The following CEP70 variants were observed in gnomAD, a reference collection of about 807,000 sequenced individuals.
CEP70 encodes the protein centrosomal protein 70, also known as centrosomal protein of 70 kDa.
A neutral mutation model predicts 90.9 loss-of-function variants in CEP70; 70 were observed. That is an observed-to-expected ratio of 0.77 (90% confidence interval 0.64 to 0.94). The LOEUF is 0.94. Ranked by LOEUF, CEP70 falls within the 40% of genes least tolerant of loss-of-function variation. CEP70 has a pLI of 0.00. For synonymous variants in CEP70, 220 were observed against 228.3 expected, an observed-to-expected ratio of 0.96 and a Z score of 0.33; for missense variants, 648 against 669.0, an observed-to-expected ratio of 0.97 and a Z score of 0.35.
intron 11 of CEP70, among the ~76,000 whole-genome samples, chr3:138,519,231 G>A (rs2036360924): frequency 2.0e-5 from 3 of 147,912 alleles, no homozygotes. Flanking sequence ...GTGACGGGGA[G>A]AATGGAACCA....
At position 138,505,318 on chromosome 3, in the gene CEP70, C is replaced by T. The variant is rs932769092; in HGVS notation, c.1198G>A (p.Ala400Thr). ...ACCTTTAAGGATGTCAGTTGATCTG[C>T]CCACATTTCTATTACAGGAACAAGA... is the stretch of plus-strand genomic sequence containing the variant. ...EHLVPVIEMW[A>T]DQLTSLKDLY... The change falls in exon 13 of 18, where the codon GCA becomes ACA. Residue 400 changes from alanine (A) to threonine (T), a missense_variant. Physicochemically the swap from Ala to Thr is moderately conservative, Grantham distance 58. Transcript: ENST00000264982. The T allele has an allele frequency of 1.2e-6, 2 of 1,610,598 alleles. No homozygotes were observed. The highest frequency in any genetic ancestry group is 1.7e-4 in the Middle Eastern group (1 of 6,038).
At chr3:138,533,213 G>A (rs558453383) in intron 7 of CEP70, among the ~76,000 whole-genome samples, 27 of 151,886 alleles carry the variant, frequency 1.8e-4, no homozygotes, top group South Asian at 6.3e-4. Context: ...CCCGGGAGGC[G>A]GAGCTTGCAG....
chr3:138,568,970 T>G (rs1346266273), intron 6 of CEP70, among the ~76,000 whole-genome samples: 1 of 149,302 alleles, frequency 6.7e-6, no homozygotes, highest in African/African-American at 2.5e-5. Context: ...GGAAACAGAG[T>G]GAGACTCTGT....
intron 2 of CEP70, among the ~76,000 whole-genome samples, chr3:138,584,478 A>AAG (rs952570195): frequency 1.7e-4 from 26 of 149,164 alleles, no homozygotes; most frequent in East Asian, 5.9e-4. Flanking sequence ...AAAAAAAAAA[A>AAG]AGAGAGAGAG....
At chr3:138,517,510 C>CA (rs1184549366) in intron 11 of CEP70, among the ~76,000 whole-genome samples, 8 of 150,940 alleles carry the variant, frequency 5.3e-5, no homozygotes, top group Non-Finnish European at 1.0e-4. Flanking sequence ...ACTAAAAATA[C>CA]AAAAAAAAAT....
At position 138,546,735 on chromosome 3, in the gene CEP70, C is replaced by T. The variant is rs532314695; in HGVS notation, c.466-9388G>A. Among the ~76,000 whole-genome samples, 9 of 151,908 alleles carry T rather than the reference C, an allele frequency of 5.9e-5. No individual in the cohort carries two copies. In the South Asian group the frequency reaches 8.3e-4, roughly 14 times the overall value. On this transcript the variant is annotated intron_variant, in intron 6 of 17. Transcript: ENST00000264982. ...CTGCATTCCAGCCTGAGTGACAAAG[C>T]GAGTCTCCATCTCAAAACAAATCAA...
chr3:138,518,177 C>T (rs763692158), intron 11 of CEP70, among the ~76,000 whole-genome samples: 7 of 152,160 alleles, frequency 4.6e-5, no homozygotes, highest in African/African-American at 4.8e-5. Flanking sequence ...GTAAACAAAG[C>T]GGCCAGGAAG....
intron 11 of CEP70, among the ~76,000 whole-genome samples, chr3:138,518,804 C>T (rs1241228453): frequency 1.3e-5 from 2 of 152,160 alleles, no homozygotes; most frequent in African/African-American, 4.8e-5. Flanking sequence ...TGCAGCTCCT[C>T]ACCAGCAATG....
At chr3:138,593,758 A>G (rs2042509151) in intron 1 of CEP70, 1 of 152,094 alleles carries the variant, frequency 6.6e-6, no homozygotes, top group Non-Finnish European at 1.5e-5. Flanking sequence ...CTCACTCCCC[A>G]AACAACCTTC....
At chr3:138,562,109 T>C (rs1416144705) in intron 6 of CEP70, among the ~76,000 whole-genome samples, 1 of 148,996 alleles carries the variant, frequency 6.7e-6, no homozygotes, top group Non-Finnish European at 1.5e-5. Flanking sequence ...ATATCAGAGA[T>C]TGAAGATCAA....
chr3:138,558,503 A>T (rs1010487235), intron 6 of CEP70, among the ~76,000 whole-genome samples: 1 of 152,220 alleles, frequency 6.6e-6, no homozygotes, highest in Non-Finnish European at 1.5e-5. Context: ...TATGCCTGCC[A>T]GGGATATGAA....
At chr3:138,559,881 AAAGT>A (rs2040275263) in intron 6 of CEP70, among the ~76,000 whole-genome samples, 2 of 152,254 alleles carry the variant, frequency 1.3e-5, no homozygotes, top group South Asian at 4.1e-4. Flanking sequence ...TCAAATGCTG[AAAGT>A]AACTACCAAC....
chr3:138,505,793 G>A (rs1044052080), intron 12 of CEP70, among the ~76,000 whole-genome samples: 2 of 152,130 alleles, frequency 1.3e-5, no homozygotes, highest in African/African-American at 2.4e-5. Context: ...AGTCAGGGAG[G>A]AGGAGCTCCC....
intron 2 of CEP70, among the ~76,000 whole-genome samples, chr3:138,588,874 C>T (rs940382477): frequency 6.6e-6 from 1 of 152,186 alleles, no homozygotes; most frequent in Admixed American, 6.5e-5. Context: ...CTGTGGTATA[C>T]CCATTGGATG....
chr3:138,521,704 G>T (rs1477018121), intron 11 of CEP70, among the ~76,000 whole-genome samples: 1 of 147,162 alleles, frequency 6.8e-6, no homozygotes, highest in African/African-American at 2.5e-5. Flanking sequence ...CGTCTCGGGG[G>T]GTGGGGAGAC....
intron 13 of CEP70, among the ~76,000 whole-genome samples, chr3:138,504,212 G>A (rs1263295433): frequency 2.0e-5 from 3 of 152,130 alleles, no homozygotes; most frequent in African/African-American, 7.2e-5. Context: ...ACAGACTGGA[G>A]GAACTCCGGT....
At chr3:138,526,014 A>T (rs1362245099) in intron 10 of CEP70, among the ~76,000 whole-genome samples, 1 of 152,142 alleles carries the variant, frequency 6.6e-6, no homozygotes, top group African/African-American at 2.4e-5. Context: ...ATTGTTCATT[A>T]TTCCCATGTA....
chr3:138,505,284 C>A lies in CEP70; in HGVS notation c.1221+11G>T. On this transcript the variant is annotated intron_variant, in intron 13 of 17. Transcript: ENST00000264982. ...GATGTTCAAAGCATATAATCATAGT[C>A]AACCCCTTACCTTTAAGGATGTCAG... The A allele has an allele frequency of 2.5e-6, 4 of 1,586,236 alleles. No homozygotes were observed. Among genetic ancestry groups the A allele is most frequent in the South Asian group, 2.3e-5 (2 of 85,620 alleles).
intron 11 of CEP70, among the ~76,000 whole-genome samples, chr3:138,517,829 G>C (rs2036188208): frequency 6.6e-6 from 1 of 152,228 alleles, no homozygotes; most frequent in Non-Finnish European, 1.5e-5. Context: ...GTGTCGGAAA[G>C]TGGGTGCAGG....
Sources: allele counts gnomAD v4.1 joint callset (sites outside exome capture counted in the v4.1 genomes callset), GRCh38; gene constraint gnomAD v4.1.1; transcripts MANE v1.5; gene names NCBI Gene and HGNC (gene_info 2026-07-23, HGNC 2026-07-21).